The following PHLPP1 variants were observed in gnomAD, a reference collection of about 807,000 sequenced individuals.
PHLPP1 encodes PH domain leucine-rich repeat-containing protein phosphatase 1.
Under a neutral mutation model 117.2 loss-of-function variants are expected in PHLPP1, and 42 were observed. The observed-to-expected ratio is 0.36, with a 90% CI of 0.28 to 0.46. The LOEUF (loss-of-function observed/expected upper bound fraction) is 0.46, where lower values mean the gene tolerates loss of function less well. Ranked by LOEUF, PHLPP1 falls within the 20% of genes least tolerant of loss-of-function variation. The pLI is 1.00. For synonymous variants in PHLPP1, 1,042 were observed against 970.7 expected (o/e 1.07, Z -1.37); for missense variants, 2,084 against 2,241.9 (o/e 0.93, Z 1.42).
chr18:62,854,580 T>TA (rs1311116647), intron 3 of PHLPP1, among the ~76,000 whole-genome samples: 7 of 152,206 alleles, frequency 4.6e-5, no homozygotes, highest in African/African-American at 1.7e-4. Context: ...TTGCTGTAGT[T>TA]ATGTTATTTT....
intron 14 of PHLPP1, among the ~76,000 whole-genome samples, chr18:62,966,056 T>G (rs1025933662): frequency 1.3e-5 from 2 of 152,118 alleles, no homozygotes; most frequent in Non-Finnish European, 2.9e-5. Flanking sequence ...AGAAGCCAGG[T>G]TGCCTGGCTT....
intron 11 of PHLPP1, among the ~76,000 whole-genome samples, chr18:62,943,526 C>T (rs1910190640): frequency 6.6e-6 from 1 of 152,180 alleles, no homozygotes; most frequent in African/African-American, 2.4e-5. Flanking sequence ...CACACAAGGG[C>T]TGGCATCTGC....
intron 1 of PHLPP1, among the ~76,000 whole-genome samples, chr18:62,827,533 G>T (rs1025012309): frequency 2.6e-5 from 4 of 152,154 alleles, no homozygotes; most frequent in Non-Finnish European, 4.4e-5. Flanking sequence ...ATTCCCCAGG[G>T]CCCACTTAGT....
chr18:62,958,875 C>A, intron 13 of PHLPP1, 116 bp downstream of exon 13: 1 of 1,151,084 alleles, frequency 8.7e-7, no homozygotes, highest in Non-Finnish European at 1.2e-6. Context: ...GCTGTGTTAA[C>A]ACACACAACA....
chr18:62,775,242 C>T (rs948148948), intron 1 of PHLPP1, among the ~76,000 whole-genome samples: 7 of 152,032 alleles, frequency 4.6e-5, no homozygotes, highest in South Asian at 4.1e-4. Flanking sequence ...GGATTATAGG[C>T]GCCTACCACC....
intron 10 of PHLPP1, among the ~76,000 whole-genome samples, chr18:62,927,443 A>G (rs1396037146): frequency 6.6e-6 from 1 of 152,214 alleles, no homozygotes; most frequent in Non-Finnish European, 1.5e-5. Flanking sequence ...ATTCCCAGCA[A>G]AATTAAATAT....
At chr18:62,814,210 TG>T (rs1914202803) in intron 1 of PHLPP1, among the ~76,000 whole-genome samples, 1 of 152,226 alleles carries the variant, frequency 6.6e-6, no homozygotes, top group Admixed American at 6.5e-5. Context: ...CAAGATTTAC[TG>T]GGCAGTTGAC....
At chr18:62,921,352 A>G (rs1320442488) in intron 10 of PHLPP1, among the ~76,000 whole-genome samples, 1 of 152,248 alleles carries the variant, frequency 6.6e-6, no homozygotes, top group Non-Finnish European at 1.5e-5. Flanking sequence ...TACCTTACAA[A>G]ATAAATGTTA....
chr18:62,856,574 C>T (rs913717988), intron 3 of PHLPP1, among the ~76,000 whole-genome samples: 4 of 151,938 alleles, frequency 2.6e-5, no homozygotes, highest in South Asian at 2.1e-4. Context: ...ACTATAGGCA[C>T]GCACCACCAC....
chr18:62,756,363 A>G (rs1250529617), intron 1 of PHLPP1, among the ~76,000 whole-genome samples: 1 of 152,230 alleles, frequency 6.6e-6, no homozygotes, highest in African/African-American at 2.4e-5. Flanking sequence ...CCATGTGCCC[A>G]GAAGGAGAGG....
At chr18:62,827,514 C>G (rs1263337264) in intron 1 of PHLPP1, among the ~76,000 whole-genome samples, 1 of 152,188 alleles carries the variant, frequency 6.6e-6, no homozygotes, top group Non-Finnish European at 1.5e-5. Context: ...TTACCTCATT[C>G]ATCTCCATAT....
intron 8 of PHLPP1, among the ~76,000 whole-genome samples, 196 bp from the exon 9 acceptor site, chr18:62,914,713 CCTTA>C (rs1180723237): frequency 2.0e-5 from 3 of 152,218 alleles, no homozygotes; most frequent in African/African-American, 7.2e-5. Context: ...TCTGCCTCTT[CCTTA>C]CTTTTTCTTT....
intron 1 of PHLPP1, among the ~76,000 whole-genome samples, chr18:62,754,872 T>C (rs989930285): frequency 6.6e-6 from 1 of 152,216 alleles, no homozygotes; most frequent in African/African-American, 2.4e-5. Flanking sequence ...GGTACATACC[T>C]GTAGTCCCAG....
At chr18:62,750,713 AGTT>A (rs1211577466) in intron 1 of PHLPP1, among the ~76,000 whole-genome samples, 2 of 145,882 alleles carry the variant, frequency 1.4e-5, no homozygotes, top group East Asian at 2.0e-4. Flanking sequence ...TGAATTTCCT[AGTT>A]GTTTTTTTTT....
At chr18:62,816,571 A>C (rs1181473191) in intron 1 of PHLPP1, among the ~76,000 whole-genome samples, 7 of 152,100 alleles carry the variant, frequency 4.6e-5, no homozygotes, top group African/African-American at 1.7e-4. Flanking sequence ...CGTCTCAAAA[A>C]AATAAAAATA....
chr18:62,752,218 C>T (rs1478321821), intron 1 of PHLPP1, among the ~76,000 whole-genome samples: 2 of 152,192 alleles, frequency 1.3e-5, no homozygotes, highest in Admixed American at 6.5e-5. Flanking sequence ...GCTGGGACCA[C>T]AGGCATGAGC....
At chr18:62,890,460 C>G (rs1358020306) in intron 4 of PHLPP1, among the ~76,000 whole-genome samples, 4 of 152,054 alleles carry the variant, frequency 2.6e-5, no homozygotes, top group Admixed American at 1.3e-4. Context: ...GAGATGGGGT[C>G]TCACCATTTT....
intron 1 of PHLPP1, among the ~76,000 whole-genome samples, chr18:62,751,661 T>G (rs1023108781): frequency 3.9e-5 from 6 of 152,182 alleles, no homozygotes; most frequent in African/African-American, 1.4e-4. Context: ...TCCTGCACTA[T>G]CTTTCCTGTC....
At chr18:62,934,064 A>G (rs374680525) in intron 10 of PHLPP1, among the ~76,000 whole-genome samples, 2 of 152,286 alleles carry the variant, frequency 1.3e-5, no homozygotes, top group South Asian at 2.1e-4. Flanking sequence ...TATTAAGTCA[A>G]AATATAACAC....
Sources: allele counts gnomAD v4.1 joint callset (sites outside exome capture counted in the v4.1 genomes callset), GRCh38; gene constraint gnomAD v4.1.1; transcripts MANE v1.5; gene names NCBI Gene and HGNC (gene_info 2026-07-23, HGNC 2026-07-21).